The following KDM3B variants were observed in gnomAD, a reference collection of about 807,000 sequenced individuals.
The protein encoded by KDM3B is lysine-specific demethylase 3B.
In KDM3B, 10 loss-of-function variants were observed where a neutral mutation model predicts 170.0. The observed-to-expected ratio is 0.06, with a 90% confidence interval of 0.04 to 0.10. The LOEUF (loss-of-function observed/expected upper bound fraction) is 0.10. Among genes scored for constraint, KDM3B ranks in the 10% least tolerant of loss-of-function variants. KDM3B has a pLI of 1.00. For synonymous variants in KDM3B, 831 were observed against 834.8 expected, an observed-to-expected ratio of 1.00 and a Z score of 0.08; for missense variants, 1,394 against 2,195.2, an observed-to-expected ratio of 0.64 and a Z score of 7.29.
Position 138,419,024 on chromosome 5 carries a change from A to G in KDM3B, c.3507A>G (p.Pro1169=). The G allele has an allele frequency of 6.2e-7, 1 of 1,614,220 alleles. No individual in the cohort carries two copies. The highest frequency in any genetic ancestry group is 8.5e-7 in the Non-Finnish European group (1 of 1,180,030). Residue 1169 remains proline (P), a synonymous_variant, in exon 14 of 24, where the codon CCA becomes CCG. Coordinates refer to ENST00000314358, the MANE Select transcript of KDM3B (RefSeq NM_016604.4). ...TCTCTGGTGGAGGAGGACCGGCACC[A>G]GTAACAACTCCAGAGCCGGACCATG... The part of the protein sequence containing the change: ...TTFSGGGGPA[P]VTTPEPDHVP...
intron 8 of KDM3B, 39 bp downstream of exon 8, chr5:138,392,300 A>G (rs757455373): frequency 6.9e-7 from 1 of 1,455,288 alleles, no homozygotes; most frequent in African/African-American, 1.4e-5. Context: ...TTGCTCTGGC[A>G]CTGGGCTCAA....
intron 1 of KDM3B, among the ~76,000 whole-genome samples, chr5:138,356,212 A>G (rs1761444016): frequency 2.0e-5 from 3 of 152,200 alleles, no homozygotes; most frequent in Admixed American, 2.0e-4. Flanking sequence ...TTTTTATGTA[A>G]TCCAGGTTTT....
intron 7 of KDM3B, among the ~76,000 whole-genome samples, chr5:138,387,951 T>G (rs34574126): frequency 0.068 from 10,326 of 151,232 alleles, 392 homozygotes; most frequent in Middle Eastern, 0.089. Flanking sequence ...CGTGGCGGCG[T>G]GCACCTGTAG....
chr5:138,390,737 A>G (rs777293671), intron 7 of KDM3B, among the ~76,000 whole-genome samples: 2 of 152,164 alleles, frequency 1.3e-5, no homozygotes, highest in African/African-American at 4.8e-5. Context: ...TAGCACTGTG[A>G]CGACCAATTG....
At chr5:138,409,211 A>G (rs1175655657) in intron 11 of KDM3B, among the ~76,000 whole-genome samples, 2 of 152,182 alleles carry the variant, frequency 1.3e-5, no homozygotes, top group Non-Finnish European at 2.9e-5. Flanking sequence ...GAAAAAGGGG[A>G]AAAGGAAAAC....
rs1554128165 is a variant in KDM3B at position 138,389,782 on chromosome 5, C to CTCTGTGTG, written c.1381-1230_1381-1229insCTGTGTGT. ...GTCTCTTCTCTCTCTCTCTCTCTCTCTGTGTGTGTGTGTGTGTGTGTGTGT... is the reference window on the plus strand; with the variant it reads ...GTCTCTTCTCTCTCTCTCTCTCTCTCTCTGTGTGTGTGTGTGTGTGTGTGTGTGTGTGT... On this transcript the variant is annotated intron_variant, in intron 7 of 23. Transcript: ENST00000314358. Among the ~76,000 whole-genome samples the CTCTGTGTG allele has an allele frequency of 1.0e-3, 145 of 143,554 alleles. 1 individual carries two copies. The Middle Eastern group carries it at 0.011, about 11-fold the overall frequency. 94.2% of individuals were successfully genotyped at this position (143,554 alleles called of 152,430 possible). A position where few individuals can be genotyped will look rare whatever the true frequency, so the allele number is the denominator to read the frequency against.
At position 138,392,183 on chromosome 5, in the gene KDM3B, C is replaced by A; in HGVS notation, c.2551C>A (p.Arg851Ser). 6.4e-7 allele frequency: 1 copy of A among 1,553,532 alleles called. No homozygotes were observed. The highest frequency in any genetic ancestry group is 1.2e-5 in the South Asian group (1 of 82,606). The change falls in exon 8 of 24, where the codon CGC (arginine) becomes AGC (serine). Residue 851 changes from arginine to serine, a missense_variant. By Grantham distance (110) the Arg-to-Ser change is moderately radical. Transcript: ENST00000314358. ...GGGGAAGCTGGGCCCCAATGGGGAG[C>A]GCAGTGCTGAGCTGTTGCTGGGCAA... ...LMGKLGPNGERSAELLLGKSK... is the reference protein window; with the variant it reads ...LMGKLGPNGESSAELLLGKSK...
At chr5:138,374,929 G>GT (rs1310532561) in intron 2 of KDM3B, among the ~76,000 whole-genome samples, 164 bp from the exon 3 acceptor site, 1 of 152,198 alleles carries the variant, frequency 6.6e-6, no homozygotes, top group Non-Finnish European at 1.5e-5. Flanking sequence ...TATTTGAGGG[G>GT]TAGATGCTAG....
intron 1 of KDM3B, among the ~76,000 whole-genome samples, chr5:138,359,825 C>A (rs1761553194): frequency 6.6e-6 from 1 of 152,104 alleles, no homozygotes; most frequent in African/African-American, 2.4e-5. Flanking sequence ...CATATCCGCC[C>A]TATTTTTTTT....
intron 3 of KDM3B, among the ~76,000 whole-genome samples, chr5:138,376,767 C>T (rs1236724498): frequency 6.7e-6 from 1 of 150,310 alleles, no homozygotes; most frequent in African/African-American, 2.4e-5. Context: ...GTTTGTGTAA[C>T]TTGAGTCCAA....
At position 138,393,343 on chromosome 5, in the gene KDM3B, T is replaced by C. The variant is rs754850234; in HGVS notation, c.2802T>C (p.Thr934=). The change falls in exon 9 of 24, where the codon ACT becomes ACC. Residue 934 remains threonine (T), a synonymous_variant. Coordinates refer to ENST00000314358, the MANE Select transcript of KDM3B (RefSeq NM_016604.4). ...KFKEQEQDDS[T]VACRFFHFRR... The stretch of plus-strand genomic sequence containing the variant: ...AGGAACAGGAGCAAGATGATTCTAC[T>C]GTAGCCTGCCGTTTCTTTCACTTCC... 9 of 1,614,018 alleles carry C rather than the reference T, an allele frequency of 5.6e-6. No homozygotes were observed. Among genetic ancestry groups the C allele is most frequent in the South Asian group, 1.1e-5 (1 of 91,084 alleles).
In KDM3B at chr5:138,372,819, C is replaced by T; in HGVS notation, c.338C>T (p.Ser113Phe). Reference protein sequence around the residue: ...DPVLLQGIRVSIAQWPALTFT... With the variant: ...DPVLLQGIRVFIAQWPALTFT... ...GTCCTTCTCCAGGGCATTCGAGTCT[C>T]CATTGCACAATGGCCAGCCCTGGTG... Residue 113 changes from serine to phenylalanine, a missense_variant, in exon 2 of 24, where the codon TCC (serine) becomes TTC (phenylalanine). Coordinates refer to ENST00000314358, the MANE Select transcript of KDM3B (RefSeq NM_016604.4). The T allele has an allele frequency of 1.9e-6, 3 of 1,614,048 alleles. No individual in the cohort carries two copies. The highest frequency in any genetic ancestry group is 1.3e-5 in the African/African-American group (1 of 75,018).
Position 138,391,456 on chromosome 5 carries a change from C to G in KDM3B, c.1824C>G (p.Ser608Arg), listed in dbSNP as rs1330509179. Residue 608 changes from serine to arginine, a missense_variant, in exon 8 of 24, where the codon AGC becomes AGG. Transcript: ENST00000314358. The surrounding 1 kb of genome is among the most constrained non-coding windows in gnomAD (Gnocchi z 5.0). ...CCCTCACTCCAGCCTTCCCACGGAG[C>G]CTCCTAAATGCCCGTACCCCAGAGA... ...MPTLTPAFPR[S>R]LLNARTPENH... The G allele has an allele frequency of 2.5e-6, 4 of 1,613,992 alleles. No individual in the cohort carries two copies. Among genetic ancestry groups the G allele is most frequent in the East Asian group, 4.5e-5 (2 of 44,890 alleles).
At chr5:138,376,070 G>T (rs757019837) in intron 3 of KDM3B, among the ~76,000 whole-genome samples, 2 of 151,972 alleles carry the variant, frequency 1.3e-5, no homozygotes, top group Non-Finnish European at 2.9e-5. Flanking sequence ...TCCACCTCCC[G>T]GTTTCAAGTG....
At chr5:138,384,740 CAAAAAAAAAAA>C (rs58389517) in intron 6 of KDM3B, among the ~76,000 whole-genome samples, 35,263 of 86,134 alleles carry the variant, frequency 0.41, 5,136 homozygotes, top group East Asian at 0.65. Flanking sequence ...ACTCTTGTCT[CAAAAAAAAAAA>C]AAAAAAAAAA....
chr5:138,407,021 T>C (rs1312844209), intron 11 of KDM3B, among the ~76,000 whole-genome samples: 5 of 148,084 alleles, frequency 3.4e-5, no homozygotes, highest in African/African-American at 1.3e-4. Flanking sequence ...CGTCTATCTC[T>C]GTCGCCCGGG....
chr5:138,419,668 A>AAAAATATATATAT (rs1408643891), intron 14 of KDM3B, among the ~76,000 whole-genome samples: 1 of 109,230 alleles, frequency 9.2e-6, no homozygotes, highest in Non-Finnish European at 1.8e-5. Flanking sequence ...AAAAAAAAAA[A>AAAAATATATATAT]ATATATATAT....
At chr5:138,409,546 G>A (rs1384447758) in intron 11 of KDM3B, among the ~76,000 whole-genome samples, 1 of 152,138 alleles carries the variant, frequency 6.6e-6, no homozygotes, top group Non-Finnish European at 1.5e-5. Context: ...CACATACACT[G>A]AAGACTACAA....
intron 1 of KDM3B, among the ~76,000 whole-genome samples, chr5:138,368,218 C>T (rs1761790327): frequency 6.6e-6 from 1 of 150,762 alleles, no homozygotes; most frequent in Non-Finnish European, 1.5e-5. Context: ...GGTTGTTCTT[C>T]TTCTTTTTCT....
Sources: allele counts gnomAD v4.1 joint callset (sites outside exome capture counted in the v4.1 genomes callset), GRCh38; gene constraint gnomAD v4.1.1; non-coding constraint Gnocchi (gnomAD v3.1); transcripts MANE v1.5; gene names NCBI Gene and HGNC (gene_info 2026-07-23, HGNC 2026-07-21).